The following PDIA5 variants were observed in gnomAD, a reference collection of about 807,000 sequenced individuals.
The protein encoded by PDIA5 is protein disulfide isomerase family A member 5.
Under a neutral mutation model 77.6 loss-of-function variants are expected in PDIA5, and 58 were observed. The observed-to-expected ratio is 0.75, with a 90% CI of 0.61 to 0.93. The LOEUF (loss-of-function observed/expected upper bound fraction) is 0.93. PDIA5 is among the 40% of genes least tolerant of loss of function. The probability of loss-of-function intolerance (pLI) is 0.00; values close to 1 mark genes in which losing one functional copy is unlikely to be tolerated. For missense variants in PDIA5, 630 were observed against 647.7 expected, an observed-to-expected ratio of 0.97 and a Z score of 0.30; for synonymous variants, 250 against 252.1, an observed-to-expected ratio of 0.99 and a Z score of 0.08.
chr3:123,122,492 A>G (rs990318264), intron 8 of PDIA5, among the ~76,000 whole-genome samples: 2 of 152,150 alleles, frequency 1.3e-5, no homozygotes, highest in Non-Finnish European at 2.9e-5. Flanking sequence ...TCCTTGCTGT[A>G]TGTGAGGCCT....
At position 123,092,499 on chromosome 3, in the gene PDIA5, T is replaced by C. The variant is rs562119653; in HGVS notation, c.257+57T>C. ...GCTGGGCAGAGGGGCACTTGGGGCT[T>C]TGATTGGTGGGGACAGGAACTGTCT... On this transcript the variant is annotated intron_variant, in intron 3 of 16. Transcript: ENST00000316218. The C allele has an allele frequency of 3.2e-6, 4 of 1,251,606 alleles. No homozygotes were observed. The African/African-American group carries it at 5.9e-5, about 18-fold the overall frequency. The allele number at this position is 1,251,606 out of a possible 1,614,324, so 77.5% of individuals were successfully genotyped here. A position where few individuals can be genotyped will look rare whatever the true frequency, so the allele number is the denominator to read the frequency against.
At chr3:123,108,419 T>C (rs1934787061) in intron 6 of PDIA5, among the ~76,000 whole-genome samples, 1 of 151,502 alleles carries the variant, frequency 6.6e-6, no homozygotes, top group Admixed American at 6.6e-5. Flanking sequence ...TAGCTGGGAT[T>C]ACAGGTGTGT....
intron 1 of PDIA5, among the ~76,000 whole-genome samples, chr3:123,079,214 T>G (rs1238765966): frequency 7.6e-6 from 1 of 131,106 alleles, no homozygotes; most frequent in African/African-American, 2.9e-5. Context: ...GGAGTCTCAC[T>G]CTGTCGCTGA....
chr3:123,157,999 C>T (rs1411353288), intron 15 of PDIA5, among the ~76,000 whole-genome samples: 2 of 152,206 alleles, frequency 1.3e-5, no homozygotes, highest in Non-Finnish European at 2.9e-5. Flanking sequence ...CTGCCATGGG[C>T]CCACTTCACT....
chr3:123,142,794 G>A (rs978410795), intron 11 of PDIA5, among the ~76,000 whole-genome samples: 4 of 152,130 alleles, frequency 2.6e-5, no homozygotes, highest in African/African-American at 7.2e-5. Flanking sequence ...CCCTGGCAGC[G>A]GAATTCTGCA....
At chr3:123,093,256 A>C (rs1457958972) in intron 3 of PDIA5, among the ~76,000 whole-genome samples, 1 of 142,654 alleles carries the variant, frequency 7.0e-6, no homozygotes, top group Non-Finnish European at 1.5e-5. Context: ...TGTGCTGTAG[A>C]GGGTGTGTGT....
chr3:123,084,526 G>A (rs6793950), intron 1 of PDIA5, among the ~76,000 whole-genome samples: 30,654 of 151,798 alleles, frequency 0.2, 3,164 homozygotes, highest in African/African-American at 0.24. Context: ...AGCCCGGTCC[G>A]TGGGGACTTC....
chr3:123,120,538 A>G (rs1158301288), intron 8 of PDIA5, among the ~76,000 whole-genome samples: 1 of 152,314 alleles, frequency 6.6e-6, no homozygotes, highest in South Asian at 2.1e-4. Context: ...CTGTTAACAC[A>G]TTGGAGCAAG....
At position 123,130,630 on chromosome 3, in the gene PDIA5, T is replaced by C. The variant is rs770389630; in HGVS notation, c.910+14T>C. On this transcript the variant is annotated intron_variant, in intron 11 of 16. Transcript: ENST00000316218. ...TCCACGCCCCATGTGAGTGGAACTT[T>C]GCTCCTCCCCCTCCACACCCTCCCC... is the stretch of plus-strand genomic sequence containing the variant. 1 of 1,613,768 alleles carries C rather than the reference T, an allele frequency of 6.2e-7. No homozygotes were observed. The highest frequency in any genetic ancestry group is 1.1e-5 in the South Asian group (1 of 91,058).
chr3:123,125,908 T>C lies in PDIA5; in HGVS notation c.773+1565T>C, dbSNP rs113990877. ...AACCTGGGCCTTTGCTTTCCTGTTT[T>C]CCTTTTTCATTTGATAATAAGCGTG... On this transcript the variant is annotated intron_variant, in intron 10 of 16. Coordinates refer to ENST00000316218, the MANE Select transcript of PDIA5 (RefSeq NM_006810.4). Among the ~76,000 whole-genome samples, 559 of 152,292 alleles carry C rather than the reference T, an allele frequency of 3.7e-3. 4 individuals carry two copies. The highest frequency in any genetic ancestry group is 0.013 in the African/African-American group (541 of 41,566).
chr3:123,084,531 GACTTCATTT>G (rs1934086191), intron 1 of PDIA5, among the ~76,000 whole-genome samples: 1 of 151,964 alleles, frequency 6.6e-6, no homozygotes. Flanking sequence ...GGTCCGTGGG[GACTTCATTT>G]ACTTGGTGGC....
intron 13 of PDIA5, among the ~76,000 whole-genome samples, chr3:123,148,715 A>C (rs758227877): frequency 1.2e-4 from 19 of 152,208 alleles, no homozygotes; most frequent in Non-Finnish European, 2.4e-4. Flanking sequence ...AGTCCTGCTG[A>C]GGCCAGAGTT....
At chr3:123,138,669 C>T (rs1308979839) in intron 11 of PDIA5, among the ~76,000 whole-genome samples, 2 of 152,156 alleles carry the variant, frequency 1.3e-5, no homozygotes, top group Non-Finnish European at 2.9e-5. Context: ...GAGTCTGCCC[C>T]AAGATGCCTG....
At chr3:123,140,500 C>T (rs1293224249) in intron 11 of PDIA5, among the ~76,000 whole-genome samples, 1 of 152,136 alleles carries the variant, frequency 6.6e-6, no homozygotes, top group African/African-American at 2.4e-5. Flanking sequence ...AGAAGAGAGA[C>T]AGATCATTCG....
chr3:123,083,364 T>C (rs780701600), intron 1 of PDIA5, among the ~76,000 whole-genome samples: 5 of 152,180 alleles, frequency 3.3e-5, no homozygotes, highest in Non-Finnish European at 7.3e-5. Flanking sequence ...AAAGCCATTT[T>C]TCCCGGCAGT....
intron 8 of PDIA5, among the ~76,000 whole-genome samples, chr3:123,120,425 G>A (rs1295851337): frequency 3.3e-5 from 5 of 152,234 alleles, no homozygotes; most frequent in Admixed American, 3.3e-4. Flanking sequence ...ACCCCACAGA[G>A]CACTCATAGA....
rs74726692 is a variant in PDIA5, at chr3:123,109,378, C to T, written c.481-1566C>T. On this transcript the variant is annotated intron_variant, in intron 6 of 16. Coordinates refer to ENST00000316218, the MANE Select transcript of PDIA5 (RefSeq NM_006810.4). The stretch of plus-strand genomic sequence containing the variant: ...GCTATAGGCTCAATAAAAATCTCTT[C>T]TCAGGTCTTTTACTAGCTTTTATCT... Among the ~76,000 whole-genome samples, 603 of 152,288 alleles carry T rather than the reference C, an allele frequency of 4.0e-3. 1 individual carries two copies. The highest frequency in any genetic ancestry group is 0.014 in the African/African-American group (572 of 41,572).
At chr3:123,154,263 T>C (rs1364788608) in intron 14 of PDIA5, among the ~76,000 whole-genome samples, 1 of 152,156 alleles carries the variant, frequency 6.6e-6, no homozygotes, top group Non-Finnish European at 1.5e-5. Context: ...CTGACAAGCC[T>C]TCTCCCTGGG....
At chr3:123,151,807 TCCTGCCTGCCTG>T (rs1159882690) in intron 14 of PDIA5, among the ~76,000 whole-genome samples, 1 of 119,078 alleles carries the variant, frequency 8.4e-6, no homozygotes, top group Non-Finnish European at 1.7e-5. Context: ...CTGCCTGCCT[TCCTGCCTGCCTG>T]CCTGCCTGCC....
Sources: gnomAD v4.1 joint callset for allele counts (sites outside exome capture counted in the v4.1 genomes callset) on GRCh38, gnomAD v4.1.1 for gene constraint, MANE v1.5 for transcripts, NCBI Gene and HGNC (gene_info 2026-07-23, HGNC 2026-07-21) for gene names.